Variants in CERT1 observed in about 807,000 individuals in gnomAD.
CERT1 encodes ceramide transporter 1.
A neutral mutation model predicts 87.9 loss-of-function variants in CERT1; 31 were observed. That is an observed-to-expected ratio of 0.35 (90% CI 0.27 to 0.48). The LOEUF (loss-of-function observed/expected upper bound fraction) is 0.48, where lower values mean the gene tolerates loss of function less well. Ranked by LOEUF, CERT1 falls within the 20% of genes least tolerant of loss-of-function variation. The pLI, the probability that CERT1 is intolerant of heterozygous loss-of-function variation, is 0.99. For missense variants in CERT1, 487 were observed against 758.0 expected (o/e 0.64, Z 4.20); for synonymous variants, 289 against 250.9 (o/e 1.15, Z -1.44).
At chr5:75,428,890 G>C (rs572400607) in intron 3 of CERT1, among the ~76,000 whole-genome samples, 5 of 151,846 alleles carry the variant, frequency 3.3e-5, no homozygotes, top group African/African-American at 4.8e-5. Context: ...ATCTCTTCAA[G>C]GTAGATTGGC....
Position 75,389,608 on chromosome 5 carries a change from T to C in CERT1, c.1268A>G (p.Glu423Gly). 1 of 1,613,962 alleles carries C rather than the reference T, an allele frequency of 6.2e-7. No individual in the cohort carries two copies. Reference protein sequence around the residue: ...GGDANWQLVVEEGEMKVYRRE... With the variant: ...GGDANWQLVVGEGEMKVYRRE... Reference sequence around the variant, plus strand: ...GGGAATTACCTTCATTTCTCCTTCTTCTACAACCAACTGCCAATTGGCATC... The same window carrying C: ...GGGAATTACCTTCATTTCTCCTTCTCCTACAACCAACTGCCAATTGGCATC... Residue 423 changes from glutamate to glycine, a missense_variant, in exon 12 of 17, where the codon GAA becomes GGA. Physicochemically the swap from Glu to Gly is moderately conservative, Grantham distance 98 (BLOSUM62 -2). Coordinates refer to ENST00000643780, the MANE Select transcript of CERT1 (RefSeq NM_001379029.1).
intron 2 of CERT1, among the ~76,000 whole-genome samples, chr5:75,461,074 ATCAAG>A (rs1430614536): frequency 1.8e-4 from 28 of 152,224 alleles, no homozygotes; most frequent in Non-Finnish European, 2.9e-5. Flanking sequence ...CATGTTAAGA[ATCAAG>A]TCTAATTACT....
intron 2 of CERT1, among the ~76,000 whole-genome samples, chr5:75,487,801 T>G (rs1222179059): frequency 6.6e-6 from 1 of 151,866 alleles, no homozygotes; most frequent in East Asian, 1.9e-4. Context: ...TAATGGCCAT[T>G]ATAAGTGTCC....
At chr5:75,475,752 T>A (rs1765926081) in intron 2 of CERT1, among the ~76,000 whole-genome samples, 1 of 152,088 alleles carries the variant, frequency 6.6e-6, no homozygotes, top group African/African-American at 2.4e-5. Flanking sequence ...ATCAGTATAT[T>A]CATATACAGA....
At chr5:75,469,855 T>C (rs1199113779) in intron 2 of CERT1, among the ~76,000 whole-genome samples, 1 of 152,022 alleles carries the variant, frequency 6.6e-6, no homozygotes, top group East Asian at 1.9e-4. Context: ...ATATACATAC[T>C]GAAAGTAAAG....
chr5:75,480,861 G>A (rs1766207808), intron 2 of CERT1, among the ~76,000 whole-genome samples: 1 of 152,040 alleles, frequency 6.6e-6, no homozygotes, highest in African/African-American at 2.4e-5. Flanking sequence ...AGTGCTTTTC[G>A]TAATCTCCAC....
chr5:75,432,057 CTT>C (rs578175246), intron 3 of CERT1, among the ~76,000 whole-genome samples: 8 of 143,278 alleles, frequency 5.6e-5, no homozygotes, highest in Non-Finnish European at 6.1e-5. Context: ...TTCCCCCCCC[CTT>C]TTTTTTTTTT....
intron 2 of CERT1, among the ~76,000 whole-genome samples, chr5:75,484,665 G>T (rs1042363633): frequency 1.3e-5 from 2 of 151,484 alleles, no homozygotes; most frequent in African/African-American, 2.4e-5. Context: ...ATGACAAAGG[G>T]GTTAATTCAG....
At chr5:75,374,114 C>T (rs968839892), downstream of CERT1, 11 of 398,154 alleles carry the variant, frequency 2.8e-5, no homozygotes, top group East Asian at 1.1e-4. Context: ...ATAGATCCTA[C>T]GTTCCAGCTT....
intron 2 of CERT1, among the ~76,000 whole-genome samples, chr5:75,480,672 C>A (rs1291633838): frequency 6.6e-6 from 1 of 152,190 alleles, no homozygotes; most frequent in Non-Finnish European, 1.5e-5. Flanking sequence ...TCAACATAAT[C>A]CAAAATTGAT....
chr5:75,466,994 T>C (rs1202059526), intron 2 of CERT1, among the ~76,000 whole-genome samples: 5 of 152,206 alleles, frequency 3.3e-5, no homozygotes, highest in Admixed American at 2.6e-4. Context: ...AGAAAACTAA[T>C]GTCCACACAA....
At chr5:75,501,031 C>T (rs565027292) in intron 2 of CERT1, among the ~76,000 whole-genome samples, 1 of 151,396 alleles carries the variant, frequency 6.6e-6, no homozygotes, top group African/African-American at 2.4e-5. Flanking sequence ...CTCTGTCTCC[C>T]AGCCTGGAGG....
rs200474535 is a variant in CERT1 at position 75,419,338 on chromosome 5, T to C, written c.679+3A>G. The C allele has an allele frequency of 8.1e-6, 13 of 1,598,368 alleles. No homozygotes were observed. In the Admixed American group the frequency reaches 1.8e-4, roughly 23 times the overall value. On this transcript the variant is annotated splice_donor_region_variant and intron_variant, in intron 6 of 16. Transcript: ENST00000643780. ...CAGCTGAGGGGAAAAATGTATTACT[T>C]ACACTTTTCTTTATTGCCGTTGGTA...
At chr5:75,462,729 C>T (rs966207022) in intron 2 of CERT1, among the ~76,000 whole-genome samples, 1 of 151,838 alleles carries the variant, frequency 6.6e-6, no homozygotes, top group Non-Finnish European at 1.5e-5. Flanking sequence ...CATGGATGGC[C>T]CACGCCTGTA....
At chr5:75,408,896 C>CCCT (rs1490877452) in intron 8 of CERT1, among the ~76,000 whole-genome samples, 1 of 151,636 alleles carries the variant, frequency 6.6e-6, no homozygotes, top group African/African-American at 2.4e-5. Flanking sequence ...AGCACAAGGC[C>CCCT]CCTCTTCCCT....
chr5:75,472,041 T>C (rs1333629520), intron 2 of CERT1, among the ~76,000 whole-genome samples: 1 of 152,086 alleles, frequency 6.6e-6, no homozygotes, highest in Non-Finnish European at 1.5e-5. Context: ...CACAAAACTA[T>C]AGGAATCAAA....
chr5:75,485,404 T>C (rs1278811334), intron 2 of CERT1, among the ~76,000 whole-genome samples: 1 of 150,700 alleles, frequency 6.6e-6, no homozygotes, highest in Non-Finnish European at 1.5e-5. Flanking sequence ...GACATTTATA[T>C]TAATAAGCAC....
upstream of CERT1, chr5:75,511,867 C>G: frequency 2.0e-6 from 3 of 1,523,592 alleles, no homozygotes; most frequent in Non-Finnish European, 2.7e-6. Context: ...GTTGGTCCGT[C>G]GCTCGCGCAG....
At chr5:75,477,125 G>T (rs1296706834) in intron 2 of CERT1, among the ~76,000 whole-genome samples, 1 of 152,144 alleles carries the variant, frequency 6.6e-6, no homozygotes, top group African/African-American at 2.4e-5. Flanking sequence ...AGACTAGATG[G>T]AAACTTTGGA....
Sources: gnomAD v4.1 joint callset for allele counts (sites outside exome capture counted in the v4.1 genomes callset) on GRCh38, gnomAD v4.1.1 for gene constraint, MANE v1.5 for transcripts, NCBI Gene and HGNC (gene_info 2026-07-23, HGNC 2026-07-21) for gene names.